The following PIAS2 variants were observed in gnomAD, a reference collection of about 807,000 sequenced individuals.
The protein encoded by PIAS2 is E3 SUMO-protein ligase PIAS2.
A neutral mutation model predicts 69.7 loss-of-function variants in PIAS2; 19 were observed. That is an observed-to-expected ratio of 0.27 (90% CI 0.19 to 0.40). The LOEUF (loss-of-function observed/expected upper bound fraction) is 0.40. PIAS2 is among the 10% of genes least tolerant of loss of function. The probability of loss-of-function intolerance (pLI) is 1.00; values close to 1 mark genes in which losing one functional copy is unlikely to be tolerated. For synonymous variants in PIAS2, 261 were observed against 263.2 expected (o/e 0.99, Z 0.08); for missense variants, 624 against 757.0 (o/e 0.82, Z 2.06).
At chr18:46,913,379 C>G (rs1163400771) in intron 1 of PIAS2, among the ~76,000 whole-genome samples, 1 of 152,224 alleles carries the variant, frequency 6.6e-6, no homozygotes, top group Middle Eastern at 3.4e-3. Context: ...AACAAATTTA[C>G]CCAGTTTGGT....
intron 3 of PIAS2, among the ~76,000 whole-genome samples, chr18:46,863,298 T>C (rs1392727223): frequency 6.6e-6 from 1 of 152,168 alleles, no homozygotes; most frequent in African/African-American, 2.4e-5. Flanking sequence ...TGGGCTACTA[T>C]AAATTCTTTT....
At position 46,820,986 on chromosome 18, in the gene PIAS2, T is replaced by C. The variant is rs886943408; in HGVS notation, c.1595A>G (p.Tyr532Cys). 6 of 1,613,296 alleles carry C rather than the reference T, an allele frequency of 3.7e-6. No individual in the cohort carries two copies. The highest frequency in any genetic ancestry group is 1.1e-5 in the South Asian group (1 of 91,038). Reference protein sequence around the residue: ...PAAIPPSLTDYSVPFHHTPIS... With the variant: ...PAAIPPSLTDCSVPFHHTPIS... ...TGGCGTATGGTGGAATGGTACTGAG[T>C]AGTCTGTTAATGAAGGCGGAATAGC... The change falls in exon 12 of 14, where the codon TAC (tyrosine) becomes TGC (cysteine). Residue 532 changes from tyrosine (Y) to cysteine (C), a missense_variant. Coordinates refer to ENST00000585916, the MANE Select transcript of PIAS2 (RefSeq NM_004671.5).
At chr18:46,842,341 G>T (rs2045543450) in intron 8 of PIAS2, among the ~76,000 whole-genome samples, 1 of 148,138 alleles carries the variant, frequency 6.8e-6, no homozygotes, top group African/African-American at 2.5e-5. Context: ...ATTGTATTTT[G>T]TTTTGGTTGC....
At chr18:46,914,574 AC>A (rs2057610485) in intron 1 of PIAS2, among the ~76,000 whole-genome samples, 1 of 80,040 alleles carries the variant, frequency 1.2e-5, no homozygotes, top group Non-Finnish European at 2.6e-5. Flanking sequence ...CCCCAACTCC[AC>A]CCCCGACACA....
chr18:46,842,464 T>C (rs1406618178), intron 8 of PIAS2, among the ~76,000 whole-genome samples: 2 of 152,090 alleles, frequency 1.3e-5, no homozygotes, highest in East Asian at 1.9e-4. Flanking sequence ...TTCTTCCTGA[T>C]ACAATAGTTT....
intron 2 of PIAS2, among the ~76,000 whole-genome samples, chr18:46,872,901 T>A (rs568545208): frequency 1.3e-5 from 2 of 152,178 alleles, no homozygotes; most frequent in African/African-American, 4.8e-5. Flanking sequence ...CTAAAACACC[T>A]ACTCATCACT....
At chr18:46,876,697 ATTTTT>A (rs57650764) in intron 2 of PIAS2, among the ~76,000 whole-genome samples, 1 of 142,946 alleles carries the variant, frequency 7.0e-6, no homozygotes, top group Admixed American at 7.0e-5. Context: ...CCCTTTACTA[ATTTTT>A]TTTTTTTTTT....
In PIAS2 at chr18:46,888,984, G is replaced by T. The variant is rs189726982; in HGVS notation, c.499+1596C>A. On this transcript the variant is annotated intron_variant, in intron 2 of 13. Transcript: ENST00000585916. ...AAGGGTGCTAAGATCATTCAGTGAGGGAAAGGACAGGCTTTTCAACAAATG... is the reference window on the plus strand; with the variant it reads ...AAGGGTGCTAAGATCATTCAGTGAGTGAAAGGACAGGCTTTTCAACAAATG... 2.5e-3 allele frequency among the ~76,000 whole-genome samples: 388 copies of T among 152,230 alleles called. 5 individuals are homozygous for T. The highest frequency in any genetic ancestry group is 9.1e-3 in the African/African-American group (376 of 41,526).
chr18:46,865,523 A>G (rs1414965861), intron 2 of PIAS2, among the ~76,000 whole-genome samples: 20 of 25,554 alleles, frequency 7.8e-4, no homozygotes, highest in Middle Eastern at 0.026. Context: ...GATAGTCTTC[A>G]AAAAAAAAAA....
At chr18:46,885,601 G>A (rs2053040361) in intron 2 of PIAS2, among the ~76,000 whole-genome samples, 1 of 151,658 alleles carries the variant, frequency 6.6e-6, no homozygotes, top group Non-Finnish European at 1.5e-5. Flanking sequence ...ATCCCAAGAG[G>A]TTCTGGAATG....
At chr18:46,817,244 C>T (rs771145152) in intron 12 of PIAS2, 36 of 983,114 alleles carry the variant, frequency 3.7e-5, no homozygotes, top group Non-Finnish European at 4.3e-5. Flanking sequence ...CTTTTTATAA[C>T]GCTAAGTATT....
At chr18:46,850,279 T>C (rs1003229210) in intron 5 of PIAS2, among the ~76,000 whole-genome samples, 1 of 152,176 alleles carries the variant, frequency 6.6e-6, no homozygotes, top group African/African-American at 2.4e-5. Context: ...GATGTCCTTT[T>C]ACAGCTTGAA....
chr18:46,822,070 A>T (rs1431646288), intron 11 of PIAS2, among the ~76,000 whole-genome samples: 1 of 152,236 alleles, frequency 6.6e-6, no homozygotes, highest in Non-Finnish European at 1.5e-5. Context: ...AGACTGGGAT[A>T]ACCTCTGGGC....
intron 1 of PIAS2, among the ~76,000 whole-genome samples, chr18:46,909,659 A>G (rs553464814): frequency 6.6e-6 from 1 of 152,328 alleles, no homozygotes; most frequent in African/African-American, 2.4e-5. Flanking sequence ...TTTGGAAGAT[A>G]ATCTGACATT....
At position 46,890,634 on chromosome 18, in the gene PIAS2, T is replaced by C; in HGVS notation, c.445A>G (p.Lys149Glu). Residue 149 changes from lysine to glutamate, a missense_variant, in exon 2 of 14, where the codon AAA becomes GAA. Physicochemically the swap from Lys to Glu is moderately conservative, Grantham distance 56. Coordinates refer to ENST00000585916, the MANE Select transcript of PIAS2 (RefSeq NM_004671.5). ...IPPVHPDVQL[K>E]NLPFYDVLDV... Reference sequence around the variant, plus strand: ...AGGACATCATAAAAGGGCAGATTTTTTAACTGCACATCAGGATGGACAGGA... The same window carrying C: ...AGGACATCATAAAAGGGCAGATTTTCTAACTGCACATCAGGATGGACAGGA... The C allele has an allele frequency of 6.2e-7, 1 of 1,614,182 alleles. No individual in the cohort carries two copies. Among genetic ancestry groups the C allele is most frequent in the Non-Finnish European group, 8.5e-7 (1 of 1,180,000 alleles).
rs1460352302 is a variant in PIAS2 at position 46,898,172 on chromosome 18, T to G, written c.25-7118A>C. On this transcript the variant is annotated intron_variant, in intron 1 of 13. Coordinates refer to ENST00000585916, the MANE Select transcript of PIAS2 (RefSeq NM_004671.5). ...ACCAAGGCAATATAATTTTTTTTTT[T>G]TGAGAGAGAGAATCTCACTCTGTCA... Among the ~76,000 whole-genome samples the G allele has an allele frequency of 2.0e-5, 3 of 152,050 alleles. No individual in the cohort carries two copies. In the East Asian group the frequency reaches 5.8e-4, roughly 29 times the overall value.
chr18:46,903,014 A>G (rs1038825468), intron 1 of PIAS2, among the ~76,000 whole-genome samples: 1 of 152,244 alleles, frequency 6.6e-6, no homozygotes. Flanking sequence ...ACCCATAGAC[A>G]GAAAAATGAA....
chr18:46,859,761 T>C (rs891647947), intron 3 of PIAS2, among the ~76,000 whole-genome samples: 1 of 152,152 alleles, frequency 6.6e-6, no homozygotes, highest in Non-Finnish European at 1.5e-5. Context: ...GATGCCCTTG[T>C]AGGTCAAAGG....
intron 11 of PIAS2, among the ~76,000 whole-genome samples, chr18:46,825,793 G>A (rs1216280935): frequency 1.3e-5 from 2 of 152,148 alleles, no homozygotes; most frequent in African/African-American, 4.8e-5. Flanking sequence ...ATCAGAAATG[G>A]CAATTAATTT....
Sources: allele counts gnomAD v4.1 joint callset (sites outside exome capture counted in the v4.1 genomes callset), GRCh38; gene constraint gnomAD v4.1.1; transcripts MANE v1.5; gene names NCBI Gene and HGNC (gene_info 2026-07-23, HGNC 2026-07-21).